The following CCDC60 variants were observed in gnomAD, a reference collection of about 807,000 sequenced individuals.
CCDC60 encodes coiled-coil domain-containing protein 60.
Under a neutral mutation model 63.5 loss-of-function variants are expected in CCDC60, and 54 were observed. The observed-to-expected ratio is 0.85, with a 90% CI of 0.68 to 1.07. The LOEUF (loss-of-function observed/expected upper bound fraction) is 1.07, where lower values mean the gene tolerates loss of function less well. Among genes scored for constraint, CCDC60 ranks in the 50% least tolerant of loss-of-function variants. CCDC60 has a pLI of 0.00. For missense variants in CCDC60, 651 were observed against 684.3 expected, an observed-to-expected ratio of 0.95 and a Z score of 0.54; for synonymous variants, 206 against 238.8, an observed-to-expected ratio of 0.86 and a Z score of 1.27.
At chr12:119,366,996 C>T (rs897281668) in intron 1 of CCDC60, among the ~76,000 whole-genome samples, 1 of 152,124 alleles carries the variant, frequency 6.6e-6, no homozygotes, top group East Asian at 1.9e-4. Flanking sequence ...CCATGCCTGG[C>T]TAATTTTTGT....
chr12:119,349,762 G>A (rs571788988), intron 1 of CCDC60, among the ~76,000 whole-genome samples: 6 of 152,222 alleles, frequency 3.9e-5, no homozygotes, highest in African/African-American at 7.2e-5. Flanking sequence ...TCTCCATCCC[G>A]TCTTTTGTAA....
intron 13 of CCDC60, among the ~76,000 whole-genome samples, chr12:119,539,629 T>C (rs1227587957): frequency 1.3e-5 from 2 of 152,220 alleles, no homozygotes; most frequent in Non-Finnish European, 2.9e-5. Flanking sequence ...TCCGTGGAAG[T>C]GGGATCCAGT....
chr12:119,374,313 C>T (rs1955929461), intron 1 of CCDC60, among the ~76,000 whole-genome samples: 1 of 152,010 alleles, frequency 6.6e-6, no homozygotes, highest in Non-Finnish European at 1.5e-5. Flanking sequence ...TCCATGGCAG[C>T]CATGAAGAAA....
chr12:119,497,394 G>A (rs1047375323), intron 5 of CCDC60, among the ~76,000 whole-genome samples: 4 of 152,160 alleles, frequency 2.6e-5, no homozygotes, highest in African/African-American at 9.7e-5. Context: ...ACATCAGAAA[G>A]ACCGATTCCA....
chr12:119,360,846 A>G lies in CCDC60; in HGVS notation c.90+25580A>G, dbSNP rs552588083. On this transcript the variant is annotated intron_variant, in intron 1 of 13. Coordinates refer to ENST00000327554, the MANE Select transcript of CCDC60 (RefSeq NM_178499.5). The stretch of plus-strand genomic sequence containing the variant: ...GCCACTGCACTCCAGCCTGGGCGCC[A>G]TTGAGCACTGAGTGAACCAGACTCT... Among the ~76,000 whole-genome samples the G allele has an allele frequency of 6.3e-3, 961 of 152,278 alleles. 5 individuals are homozygous for G. The highest frequency in any genetic ancestry group is 0.01 in the Non-Finnish European group (692 of 68,024).
chr12:119,403,866 A>G (rs927473333), intron 1 of CCDC60, among the ~76,000 whole-genome samples: 1 of 152,200 alleles, frequency 6.6e-6, no homozygotes, highest in Non-Finnish European at 1.5e-5. Flanking sequence ...AAAATTGTAT[A>G]TATTTATGGC....
At chr12:119,534,500 C>G (rs1439594145) in intron 13 of CCDC60, among the ~76,000 whole-genome samples, 2 of 152,144 alleles carry the variant, frequency 1.3e-5, no homozygotes, top group Admixed American at 6.5e-5. Flanking sequence ...TGCCAGTTTT[C>G]AAAAGGAATG....
intron 1 of CCDC60, among the ~76,000 whole-genome samples, chr12:119,349,444 C>A (rs1955632458): frequency 6.7e-6 from 1 of 149,448 alleles, no homozygotes; most frequent in East Asian, 2.0e-4. Flanking sequence ...CTCCCAGATT[C>A]AAGCAATTCT....
chr12:119,519,915 C>T (rs183462875), intron 8 of CCDC60, among the ~76,000 whole-genome samples: 3 of 151,644 alleles, frequency 2.0e-5, no homozygotes, highest in Non-Finnish European at 2.9e-5. Context: ...CTTCTGGGGC[C>T]CCCCTCCAGG....
chr12:119,478,190 C>T (rs1306005423), intron 3 of CCDC60, among the ~76,000 whole-genome samples: 1 of 152,044 alleles, frequency 6.6e-6, no homozygotes, highest in African/African-American at 2.4e-5. Context: ...TGGCACATGC[C>T]TGTAATCCCA....
intron 2 of CCDC60, among the ~76,000 whole-genome samples, chr12:119,457,821 A>G (rs192781500): frequency 9.8e-5 from 15 of 152,374 alleles, no homozygotes; most frequent in African/African-American, 3.4e-4. Flanking sequence ...AATGTATTCC[A>G]AATTTCATCT....
rs566232537 is a variant in CCDC60 at position 119,334,927 on chromosome 12, C to A, written c.-250C>A. 5 of 369,544 alleles carry A rather than the reference C, an allele frequency of 1.4e-5. No individual in the cohort carries two copies. In the South Asian group the frequency reaches 4.6e-4, roughly 34 times the overall value. 22.9% of individuals were successfully genotyped at this position (369,544 alleles called of 1,614,324 possible). A position where few individuals can be genotyped will look rare whatever the true frequency, so the allele number is the denominator to read the frequency against. ...GGAGGAAGCTTACAGAAGTTTATAA[C>A]CTTTCAAAAAGTAAATAAGTCCAGG... is the stretch of plus-strand genomic sequence containing the variant. On this transcript the variant is annotated 5_prime_UTR_variant, in exon 1 of 14. Coordinates refer to ENST00000327554, the MANE Select transcript of CCDC60 (RefSeq NM_178499.5).
chr12:119,404,682 C>T (rs180964398), intron 1 of CCDC60, among the ~76,000 whole-genome samples: 25 of 152,302 alleles, frequency 1.6e-4, no homozygotes, highest in Non-Finnish European at 3.2e-4. Flanking sequence ...GGGATGAGGA[C>T]AGGTAGGTCT....
At chr12:119,478,237 C>A (rs923939550) in intron 3 of CCDC60, among the ~76,000 whole-genome samples, 4 of 152,060 alleles carry the variant, frequency 2.6e-5, no homozygotes, top group Non-Finnish European at 5.9e-5. Flanking sequence ...ATTGCTTGAA[C>A]CTAGGAGGCA....
chr12:119,381,391 T>G (rs1237560589), intron 1 of CCDC60, among the ~76,000 whole-genome samples: 1 of 152,192 alleles, frequency 6.6e-6, no homozygotes, highest in African/African-American at 2.4e-5. Context: ...TGTCAACATT[T>G]CTCCAATTGA....
At chr12:119,506,279 T>C (rs1004590396) in intron 7 of CCDC60, among the ~76,000 whole-genome samples, 1 of 151,852 alleles carries the variant, frequency 6.6e-6, no homozygotes, top group Non-Finnish European at 1.5e-5. Flanking sequence ...TTTCAGTGGC[T>C]CAAAATATGA....
At chr12:119,345,844 G>A (rs1290527154) in intron 1 of CCDC60, among the ~76,000 whole-genome samples, 2 of 151,858 alleles carry the variant, frequency 1.3e-5, no homozygotes, top group Non-Finnish European at 2.9e-5. Flanking sequence ...TTTTGAGACA[G>A]TCTCACTCTG....
At chr12:119,424,486 G>A (rs1956867108) in intron 1 of CCDC60, among the ~76,000 whole-genome samples, 2 of 152,170 alleles carry the variant, frequency 1.3e-5, no homozygotes, top group Non-Finnish European at 2.9e-5. Context: ...CATCCTCGGG[G>A]ATAAATCTCT....
chr12:119,405,937 C>T (rs562703356), intron 1 of CCDC60, among the ~76,000 whole-genome samples: 1 of 152,120 alleles, frequency 6.6e-6, no homozygotes, highest in South Asian at 2.1e-4. Flanking sequence ...TTTGGGAGGC[C>T]AAGGCAGGCG....
Sources: allele counts gnomAD v4.1 joint callset (sites outside exome capture counted in the v4.1 genomes callset), GRCh38; gene constraint gnomAD v4.1.1; transcripts MANE v1.5; gene names NCBI Gene and HGNC (gene_info 2026-07-23, HGNC 2026-07-21).